Variants in KCNAB1 observed in about 807,000 individuals in gnomAD.
KCNAB1 encodes the protein potassium voltage-gated channel subfamily A regulatory beta subunit 1.
Under a neutral mutation model 64.6 loss-of-function variants are expected in KCNAB1, and 35 were observed. The observed-to-expected ratio is 0.54, with a 90% CI of 0.41 to 0.72. The LOEUF (loss-of-function observed/expected upper bound fraction) is 0.72, where lower values mean the gene tolerates loss of function less well. KCNAB1 is among the 30% of genes least tolerant of loss of function. KCNAB1 has a pLI of 0.00. For missense variants in KCNAB1, 401 were observed against 512.9 expected (o/e 0.78, Z 2.11); for synonymous variants, 177 against 183.8 (o/e 0.96, Z 0.30).
chr3:156,377,175 T>C (rs1711740940), intron 1 of KCNAB1, among the ~76,000 whole-genome samples: 1 of 152,096 alleles, frequency 6.6e-6, no homozygotes, highest in South Asian at 2.1e-4. Flanking sequence ...TTCAAAGACA[T>C]GGAGATGCTC....
At chr3:156,393,195 T>G (rs1175856717) in intron 1 of KCNAB1, among the ~76,000 whole-genome samples, 1 of 152,178 alleles carries the variant, frequency 6.6e-6, no homozygotes, top group Non-Finnish European at 1.5e-5. Flanking sequence ...GGCAGGATGG[T>G]GGGAACTTGT....
chr3:156,255,035 G>A (rs796700373), intron 1 of KCNAB1, among the ~76,000 whole-genome samples: 3 of 152,282 alleles, frequency 2.0e-5, no homozygotes, highest in African/African-American at 7.2e-5. Context: ...TTGACTATGT[G>A]GGTGACACGT....
At chr3:156,410,395 C>T (rs1229440257) in intron 1 of KCNAB1, among the ~76,000 whole-genome samples, 1 of 152,216 alleles carries the variant, frequency 6.6e-6, no homozygotes, top group Non-Finnish European at 1.5e-5. Context: ...CCCCCATCTC[C>T]TTCAGTGTGG....
intron 1 of KCNAB1, among the ~76,000 whole-genome samples, chr3:156,161,600 C>T (rs1006734659): frequency 5.9e-5 from 9 of 152,018 alleles, no homozygotes; most frequent in African/African-American, 1.9e-4. Flanking sequence ...AATTCAGTTT[C>T]GTCCATATTT....
intron 1 of KCNAB1, among the ~76,000 whole-genome samples, chr3:156,293,587 T>C (rs1375148453): frequency 6.6e-6 from 1 of 152,258 alleles, no homozygotes; most frequent in Non-Finnish European, 1.5e-5. Context: ...AAAAAAGTCC[T>C]TGGGTGGGAA....
At chr3:156,333,169 G>A in intron 1 of KCNAB1, among the ~76,000 whole-genome samples, 1 of 152,034 alleles carries the variant, frequency 6.6e-6, no homozygotes, top group South Asian at 2.1e-4. Context: ...CACACACAGT[G>A]GGACAAAACT....
At chr3:156,522,421 C>T (rs1202945445) in intron 11 of KCNAB1, among the ~76,000 whole-genome samples, 1 of 152,070 alleles carries the variant, frequency 6.6e-6, no homozygotes, top group Non-Finnish European at 1.5e-5. Flanking sequence ...TTCACAATGC[C>T]CACCTCATCA....
chr3:156,517,463 C>T (rs564005991), intron 11 of KCNAB1, among the ~76,000 whole-genome samples: 2 of 152,122 alleles, frequency 1.3e-5, no homozygotes, highest in Non-Finnish European at 2.9e-5. Context: ...TAAATAAGGT[C>T]TTGCTTCTGA....
intron 1 of KCNAB1, among the ~76,000 whole-genome samples, chr3:156,217,576 C>T: frequency 6.6e-6 from 1 of 152,198 alleles, no homozygotes; most frequent in Non-Finnish European, 1.5e-5. Flanking sequence ...ATCAGGAACT[C>T]TTTTCTTACT....
At chr3:156,318,794 A>G (rs913592773) in intron 1 of KCNAB1, among the ~76,000 whole-genome samples, 1 of 152,206 alleles carries the variant, frequency 6.6e-6, no homozygotes, top group African/African-American at 2.4e-5. Flanking sequence ...AACTAATCTC[A>G]GGGCTAGTTG....
intron 6 of KCNAB1, among the ~76,000 whole-genome samples, chr3:156,464,388 CT>C (rs1713177243): frequency 6.6e-6 from 1 of 152,020 alleles, no homozygotes; most frequent in South Asian, 2.1e-4. Context: ...GAAGGCTGGC[CT>C]TTTTGACAAA....
chr3:156,316,073 A>G (rs1233046714), intron 1 of KCNAB1, among the ~76,000 whole-genome samples: 2 of 152,250 alleles, frequency 1.3e-5, no homozygotes, highest in Non-Finnish European at 2.9e-5. Context: ...CAAAAAAACT[A>G]GTTTACATTT....
intron 5 of KCNAB1, 23 bp from the exon 6 acceptor site, chr3:156,463,679 G>C (rs763380265): frequency 6.3e-7 from 1 of 1,575,856 alleles, no homozygotes; most frequent in African/African-American, 1.4e-5. Flanking sequence ...CTACTTCTCT[G>C]TGTTTGTCTT....
chr3:156,462,561 G>A (rs1238250404), intron 5 of KCNAB1, among the ~76,000 whole-genome samples: 1 of 152,114 alleles, frequency 6.6e-6, no homozygotes, highest in African/African-American at 2.4e-5. Flanking sequence ...TACTTTTGGG[G>A]GGATTCACTT....
intron 1 of KCNAB1, among the ~76,000 whole-genome samples, chr3:156,316,346 C>T (rs532552899): frequency 2.3e-4 from 35 of 152,324 alleles, no homozygotes; most frequent in African/African-American, 8.2e-4. Context: ...ATAGTAGTGA[C>T]TCTGTTCTAG....
intron 12 of KCNAB1, among the ~76,000 whole-genome samples, chr3:156,525,763 C>G (rs1718270152): frequency 6.6e-6 from 1 of 152,202 alleles, no homozygotes; most frequent in Admixed American, 6.5e-5. Context: ...ATCCGCCTGC[C>G]TTGGCCGCCT....
At chr3:156,186,430 T>C (rs1029664606) in intron 1 of KCNAB1, among the ~76,000 whole-genome samples, 4 of 152,226 alleles carry the variant, frequency 2.6e-5, no homozygotes, top group Non-Finnish European at 5.9e-5. Context: ...TCCTAGGCTG[T>C]GCTGTGGACC....
chr3:156,151,919 A>C (rs1286756225), intron 1 of KCNAB1, among the ~76,000 whole-genome samples: 1 of 152,200 alleles, frequency 6.6e-6, no homozygotes, highest in Non-Finnish European at 1.5e-5. Flanking sequence ...AATCTGGAAC[A>C]GTTCAGGAGA....
At chr3:156,397,897 G>A (rs1713581787) in intron 1 of KCNAB1, among the ~76,000 whole-genome samples, 1 of 152,102 alleles carries the variant, frequency 6.6e-6, no homozygotes, top group Admixed American at 6.5e-5. Flanking sequence ...TAGAATGTAA[G>A]CTCTTTGGAA....
Sources: allele counts gnomAD v4.1 joint callset (sites outside exome capture counted in the v4.1 genomes callset), GRCh38; gene constraint gnomAD v4.1.1; transcripts MANE v1.5; gene names NCBI Gene and HGNC (gene_info 2026-07-23, HGNC 2026-07-21).